KCNIP1: variants seen among roughly 807,000 people sequenced by gnomAD.
KCNIP1 encodes potassium voltage-gated channel interacting protein 1, also known as A-type potassium channel modulatory protein KCNIP1.
KCNIP1 carries 18 observed loss-of-function variants against 33.0 expected under a neutral mutation model. That is an observed-to-expected ratio of 0.55 (90% CI 0.38 to 0.81). The LOEUF is 0.81. Among genes scored for constraint, KCNIP1 ranks in the 30% least tolerant of loss-of-function variants. The probability of loss-of-function intolerance (pLI) is 0.00; values close to 1 mark genes in which losing one functional copy is unlikely to be tolerated. For synonymous variants in KCNIP1, 93 were observed against 98.3 expected, an observed-to-expected ratio of 0.95 and a Z score of 0.32; for missense variants, 238 against 271.6, an observed-to-expected ratio of 0.88 and a Z score of 0.87.
intron 1 of KCNIP1, among the ~76,000 whole-genome samples, chr5:170,628,293 T>A (rs11750115): frequency 6.6e-6 from 1 of 151,866 alleles, no homozygotes; most frequent in African/African-American, 2.4e-5. Flanking sequence ...CCACCTCCCA[T>A]GGCTACCCCC....
chr5:170,458,949 T>C (rs1354470839), intron 1 of KCNIP1, among the ~76,000 whole-genome samples: 1 of 152,190 alleles, frequency 6.6e-6, no homozygotes. Context: ...ACCAGCTATC[T>C]GCTGCCTTCA....
intron 1 of KCNIP1, among the ~76,000 whole-genome samples, chr5:170,613,646 A>G (rs553117426): frequency 5.1e-4 from 78 of 152,298 alleles, no homozygotes; most frequent in Non-Finnish European, 9.9e-4. Context: ...GAGGGCCGGG[A>G]GCTGGAAATG....
At chr5:170,429,179 T>A (rs989726937) in intron 1 of KCNIP1, among the ~76,000 whole-genome samples, 1 of 152,112 alleles carries the variant, frequency 6.6e-6, no homozygotes, top group Non-Finnish European at 1.5e-5. Context: ...GCCTCCTGCA[T>A]CTTCCTTCAG....
At chr5:170,666,373 A>G (rs1761703657) in intron 1 of KCNIP1, among the ~76,000 whole-genome samples, 1 of 152,104 alleles carries the variant, frequency 6.6e-6, no homozygotes, top group Non-Finnish European at 1.5e-5. Context: ...GCACCAAAAG[A>G]TGCTTAGGCT....
chr5:170,554,993 G>A (rs939048954), intron 1 of KCNIP1, among the ~76,000 whole-genome samples: 7 of 152,202 alleles, frequency 4.6e-5, no homozygotes, highest in South Asian at 2.1e-4. Context: ...GCTGGCTGGC[G>A]AGGAATGGGC....
At chr5:170,488,968 A>G (rs1251404498) in intron 1 of KCNIP1, among the ~76,000 whole-genome samples, 1 of 152,162 alleles carries the variant, frequency 6.6e-6, no homozygotes, top group Non-Finnish European at 1.5e-5. Context: ...TGTGGGGTGT[A>G]ATTACCAAGC....
intron 1 of KCNIP1, among the ~76,000 whole-genome samples, chr5:170,652,236 C>T (rs1023659403): frequency 1.9e-4 from 29 of 152,056 alleles, no homozygotes; most frequent in African/African-American, 6.5e-4. Flanking sequence ...GTAATCCCAG[C>T]ACTGTGGGAG....
At position 170,718,800 on chromosome 5, in the gene KCNIP1, G is replaced by A. The variant is rs1410963101; in HGVS notation, c.104G>A (p.Arg35Gln). Residue 35 changes from arginine (R) to glutamine (Q), a missense_variant, in exon 2 of 8, where the codon CGG becomes CAG. Transcript: ENST00000328939. ...CTGGAGATGACCATGGTTTGCCATC[G>A]GCCCGAGGGACTGGAGCAGCTCGAG... ...DELEMTMVCH[R>Q]PEGLEQLEAQ... is the part of the protein sequence containing the mutation. 5 of 1,612,074 alleles carry A rather than the reference G, an allele frequency of 3.1e-6. No individual in the cohort carries two copies. The highest frequency in any genetic ancestry group is 2.7e-5 in the African/African-American group (2 of 74,586).
chr5:170,725,074 G>C (rs1581549273), intron 5 of KCNIP1, among the ~76,000 whole-genome samples: 1 of 152,090 alleles, frequency 6.6e-6, no homozygotes, highest in African/African-American at 2.4e-5. Flanking sequence ...AGATGGTAGG[G>C]AATTGGCATA....
intron 1 of KCNIP1, chr5:170,382,802 T>C (rs1268814709): frequency 6.6e-6 from 1 of 152,476 alleles, no homozygotes; most frequent in Non-Finnish European, 1.5e-5. Context: ...TAACTTCCTC[T>C]GTTCTTCTCC....
chr5:170,523,920 A>G (rs1325072332), intron 1 of KCNIP1, among the ~76,000 whole-genome samples: 1 of 150,864 alleles, frequency 6.6e-6, no homozygotes, highest in Admixed American at 6.6e-5. Context: ...GTCCTTTCCC[A>G]CTCCCTGTGC....
intron 1 of KCNIP1, among the ~76,000 whole-genome samples, chr5:170,357,983 C>T (rs1052075342): frequency 1.3e-5 from 2 of 152,224 alleles, no homozygotes; most frequent in Admixed American, 1.3e-4. Context: ...AGAAGCCCAG[C>T]TCCTGGCTCG....
At chr5:170,597,101 A>G (rs969443590) in intron 1 of KCNIP1, among the ~76,000 whole-genome samples, 4 of 152,252 alleles carry the variant, frequency 2.6e-5, no homozygotes, top group Non-Finnish European at 4.4e-5. Context: ...ATCCGGCTCC[A>G]GCATCCGAGC....
intron 1 of KCNIP1, among the ~76,000 whole-genome samples, chr5:170,589,810 G>A (rs796526719): frequency 8.3e-5 from 11 of 133,272 alleles, no homozygotes; most frequent in Non-Finnish European, 1.2e-4. Context: ...GTGCGGTGCG[G>A]TGCGGTGTGG....
intron 1 of KCNIP1, among the ~76,000 whole-genome samples, chr5:170,517,012 G>A (rs557918674): frequency 1.3e-5 from 2 of 152,086 alleles, no homozygotes; most frequent in Non-Finnish European, 2.9e-5. Flanking sequence ...GTTATTCGTG[G>A]TGGTAATTAT....
rs149506658 is a variant in KCNIP1, at chr5:170,592,833, G to A, written c.61+88200G>A. ...AGTGCTAAGCATGTGGCTAGCATGT[G>A]GCAGGTGCTGCCTAAATAGTAGAAA... On this transcript the variant is annotated intron_variant, in intron 1 of 7. Coordinates refer to ENST00000328939, the MANE Select transcript of KCNIP1 (RefSeq NM_014592.4). 8.9e-4 allele frequency among the ~76,000 whole-genome samples: 136 copies of A among 152,278 alleles called. 1 individual carries two copies. Among genetic ancestry groups the A allele is most frequent in the African/African-American group, 3.0e-3 (124 of 41,564 alleles).
chr5:170,571,839 C>T (rs981557495), intron 1 of KCNIP1, among the ~76,000 whole-genome samples: 3 of 152,150 alleles, frequency 2.0e-5, no homozygotes, highest in South Asian at 2.1e-4. Flanking sequence ...GCTGGCCCTT[C>T]GCCTACAAAA....
At chr5:170,645,668 G>A (rs79974198) in intron 1 of KCNIP1, among the ~76,000 whole-genome samples, 3 of 152,050 alleles carry the variant, frequency 2.0e-5, no homozygotes, top group South Asian at 2.1e-4. Flanking sequence ...AGCAGATATC[G>A]TATTTTTCTC....
At chr5:170,393,717 C>T (rs1294568767) in intron 1 of KCNIP1, among the ~76,000 whole-genome samples, 1 of 152,132 alleles carries the variant, frequency 6.6e-6, no homozygotes, top group Non-Finnish European at 1.5e-5. Flanking sequence ...CACAACAAGA[C>T]ACGACAAAAA....
Sources: gnomAD v4.1 joint callset for allele counts (sites outside exome capture counted in the v4.1 genomes callset) on GRCh38, gnomAD v4.1.1 for gene constraint, MANE v1.5 for transcripts, NCBI Gene and HGNC (gene_info 2026-07-23, HGNC 2026-07-21) for gene names.